NTRK3: variants seen among roughly 807,000 people sequenced by gnomAD.
NTRK3 encodes the protein neurotrophic receptor tyrosine kinase 3, also known as NT-3 growth factor receptor.
A neutral mutation model predicts 91.7 loss-of-function variants in NTRK3; 24 were observed. The ratio of observed to expected loss-of-function variants is 0.26; its 90% CI spans 0.19 to 0.37. NTRK3 has a LOEUF of 0.37. Ranked by LOEUF, NTRK3 falls within the 10% of genes least tolerant of loss-of-function variation. The pLI is 1.00. For synonymous variants in NTRK3, 483 were observed against 404.0 expected, an observed-to-expected ratio of 1.20 and a Z score of -2.34; for missense variants, 880 against 1,068.9, an observed-to-expected ratio of 0.82 and a Z score of 2.46.
chr15:88,138,091 G>C (rs1433361271), intron 6 of NTRK3, among the ~76,000 whole-genome samples: 1 of 151,244 alleles, frequency 6.6e-6, no homozygotes, highest in Non-Finnish European at 1.5e-5. Context: ...TCATGCAACT[G>C]TCTAAGAGAT....
At chr15:87,927,949 T>C (rs1265522950) in intron 17 of NTRK3, 1 of 152,176 alleles carries the variant, frequency 6.6e-6, no homozygotes, top group African/African-American at 2.4e-5. Context: ...CCTCTTTCCT[T>C]TGATGTCCCA....
At chr15:88,210,354 G>A (rs147339314) in intron 3 of NTRK3, among the ~76,000 whole-genome samples, 33 of 152,238 alleles carry the variant, frequency 2.2e-4, no homozygotes, top group African/African-American at 3.1e-4. Flanking sequence ...TATCTTCCTC[G>A]CGGAAGCCTG....
chr15:87,940,477 C>A, intron 15 of NTRK3, 146 bp downstream of exon 15: 2 of 1,320,932 alleles, frequency 1.5e-6, no homozygotes, highest in Non-Finnish European at 2.1e-6. Flanking sequence ...CCCTAGGAAA[C>A]TTCATTGACC....
At chr15:87,982,031 C>T (rs1027622060) in intron 14 of NTRK3, among the ~76,000 whole-genome samples, 3 of 152,132 alleles carry the variant, frequency 2.0e-5, no homozygotes, top group Admixed American at 1.3e-4. Flanking sequence ...GGAGACCATG[C>T]AGCATTTGTG....
chr15:87,879,959 A>G (rs928665844), intron 18 of NTRK3, among the ~76,000 whole-genome samples: 11 of 152,144 alleles, frequency 7.2e-5, no homozygotes, highest in African/African-American at 2.7e-4. Context: ...TGAAAAACTC[A>G]TAGCTGTTCT....
At chr15:88,210,448 C>T (rs1235207856) in intron 3 of NTRK3, among the ~76,000 whole-genome samples, 1 of 152,194 alleles carries the variant, frequency 6.6e-6, no homozygotes, top group Non-Finnish European at 1.5e-5. Flanking sequence ...TACAGAATGT[C>T]CTGTATCTCA....
At chr15:87,972,581 C>T (rs1037090096) in intron 14 of NTRK3, among the ~76,000 whole-genome samples, 1 of 152,154 alleles carries the variant, frequency 6.6e-6, no homozygotes, top group Non-Finnish European at 1.5e-5. Context: ...TTGACTTACG[C>T]CAAAGGCCCC....
At chr15:88,134,957 G>T (rs2041732158) in intron 10 of NTRK3, 144 bp downstream of exon 10, 8 of 985,564 alleles carry the variant, frequency 8.1e-6, no homozygotes, top group Non-Finnish European at 1.3e-5. Context: ...GCGGCTGGTG[G>T]TTGCACATGT....
intron 17 of NTRK3, among the ~76,000 whole-genome samples, chr15:87,886,766 T>A (rs12594034): frequency 0.5 from 70,476 of 140,830 alleles, 19,899 homozygotes; most frequent in Non-Finnish European, 0.64. Context: ...ATATATATAT[T>A]TCTATGCTGT....
At chr15:88,135,024 TC>T in intron 10 of NTRK3, 76 bp downstream of exon 10, 2 of 1,544,272 alleles carry the variant, frequency 1.3e-6, no homozygotes, top group Non-Finnish European at 1.8e-6. Context: ...CTGCTTCTCC[TC>T]TCAAGCTACC....
chr15:88,115,215 C>A (rs1025986793), intron 13 of NTRK3, among the ~76,000 whole-genome samples: 2 of 152,222 alleles, frequency 1.3e-5, no homozygotes, highest in Non-Finnish European at 2.9e-5. Context: ...TTTCTGATAG[C>A]GCTTCTCCTC....
At chr15:87,873,503 G>C (rs571999160) in exon 19 of NTRK3, 1 of 231,838 alleles carries the variant, frequency 4.3e-6, no homozygotes, top group African/African-American at 2.2e-5. Flanking sequence ...TGGCATGGCA[G>C]AGAGACCAGC....
chr15:87,861,006 C>T, exon 19 of NTRK3: 1 of 225,582 alleles, frequency 4.4e-6, no homozygotes, highest in Non-Finnish European at 8.8e-6. Flanking sequence ...GTTGTTGCTG[C>T]TGTTTTTTCT....
At chr15:87,913,806 A>C (rs1311934308) in intron 17 of NTRK3, among the ~76,000 whole-genome samples, 1 of 152,218 alleles carries the variant, frequency 6.6e-6, no homozygotes, top group Non-Finnish European at 1.5e-5. Context: ...ACATGGATGT[A>C]TATCCAAGGT....
intron 3 of NTRK3, among the ~76,000 whole-genome samples, chr15:88,216,400 T>A (rs1487404167): frequency 6.6e-6 from 1 of 152,198 alleles, no homozygotes; most frequent in Non-Finnish European, 1.5e-5. Context: ...AGCTCACCCC[T>A]GTGGGCCTGG....
chr15:88,124,453 A>C (rs2053071759), intron 13 of NTRK3, among the ~76,000 whole-genome samples: 1 of 152,210 alleles, frequency 6.6e-6, no homozygotes, highest in Admixed American at 6.5e-5. Flanking sequence ...CTCTTACAGC[A>C]CTGCCAAGCA....
intron 13 of NTRK3, among the ~76,000 whole-genome samples, chr15:88,078,754 A>G (rs2047779371): frequency 6.6e-6 from 1 of 152,246 alleles, no homozygotes; most frequent in African/African-American, 2.4e-5. Flanking sequence ...GGGATGAACC[A>G]TAAGGAGTCC....
intron 14 of NTRK3, among the ~76,000 whole-genome samples, chr15:87,956,606 G>A (rs1187777105): frequency 2.0e-5 from 3 of 151,100 alleles, no homozygotes; most frequent in Non-Finnish European, 4.4e-5. Context: ...GTCTTGCTGT[G>A]CTGCCCAGGC....
At chr15:87,997,869 C>A (rs1246077805) in intron 14 of NTRK3, among the ~76,000 whole-genome samples, 2 of 152,144 alleles carry the variant, frequency 1.3e-5, no homozygotes, top group Non-Finnish European at 2.9e-5. Context: ...GAATGAGAAC[C>A]AGATGATGGT....
Sources: gnomAD v4.1 joint callset for allele counts (sites outside exome capture counted in the v4.1 genomes callset) on GRCh38, gnomAD v4.1.1 for gene constraint, MANE v1.5 for transcripts, NCBI Gene and HGNC (gene_info 2026-07-23, HGNC 2026-07-21) for gene names.